ELF2: variants seen among roughly 807,000 people sequenced by gnomAD.
ELF2 encodes the protein E74 like ETS transcription factor 2, also known as ETS-related transcription factor Elf-2.
A neutral mutation model predicts 54.8 loss-of-function variants in ELF2; 11 were observed. The observed-to-expected ratio is 0.20, with a 90% CI of 0.13 to 0.33. The LOEUF is 0.33. ELF2 is among the 10% of genes least tolerant of loss of function. ELF2 has a pLI of 1.00. For missense variants in ELF2, 513 were observed against 703.0 expected, an observed-to-expected ratio of 0.73 and a Z score of 3.06; for synonymous variants, 203 against 245.1, an observed-to-expected ratio of 0.83 and a Z score of 1.61.
intron 1 of ELF2, among the ~76,000 whole-genome samples, chr4:139,160,070 G>A (rs1487036148): frequency 6.6e-6 from 1 of 152,350 alleles, no homozygotes; most frequent in East Asian, 1.9e-4. Context: ...AGGCGCAGTG[G>A]CTCACGCCTG....
chr4:139,107,688 A>T (rs1238560360), intron 4 of ELF2, among the ~76,000 whole-genome samples: 1 of 152,220 alleles, frequency 6.6e-6, no homozygotes, highest in African/African-American at 2.4e-5. Flanking sequence ...ACAGACTTCT[A>T]TTAGTAACTC....
intron 8 of ELF2, among the ~76,000 whole-genome samples, 153 bp from the exon 9 acceptor site, chr4:139,060,827 T>C (rs1330689965): frequency 6.6e-6 from 1 of 152,190 alleles, no homozygotes; most frequent in Non-Finnish European, 1.5e-5. Flanking sequence ...ACTGCCTAGA[T>C]TGCTCAAAAG....
Position 139,160,734 on chromosome 4 carries a change from G to A in ELF2, c.-252+16233C>T, listed in dbSNP as rs529420056. On this transcript the variant is annotated intron_variant, in intron 1 of 9. Transcript: ENST00000686138. ...TTCTAGTATTTTGGGAGGCCGAGGC[G>A]GGTGGATCACTTGAGATCGGGAGTT... Among the ~76,000 whole-genome samples the A allele has an allele frequency of 4.6e-5, 7 of 152,142 alleles. No individual in the cohort carries two copies. In the East Asian group the frequency reaches 9.7e-4, roughly 21 times the overall value.
chr4:139,106,147 T>C (rs886204072), intron 4 of ELF2, among the ~76,000 whole-genome samples: 8 of 152,142 alleles, frequency 5.3e-5, no homozygotes, highest in African/African-American at 1.7e-4. Context: ...TTAATAAACA[T>C]TTAAAGAAAT....
At chr4:139,094,976 A>AATGTT (rs1335713198) in intron 4 of ELF2, among the ~76,000 whole-genome samples, 2 of 152,118 alleles carry the variant, frequency 1.3e-5, no homozygotes, top group Admixed American at 6.6e-5. Flanking sequence ...ACTTCTTAAC[A>AATGTT]ATGTTAACAG....
rs370333034 is a variant in ELF2, at chr4:139,100,534, G to A, written c.238+24630C>T. ...GTGAGGGACCACAAGGTTGCCTAAGGAGAGGTGAACCAGACCAGCCTGGAA... is the reference window on the plus strand; with the variant it reads ...GTGAGGGACCACAAGGTTGCCTAAGAAGAGGTGAACCAGACCAGCCTGGAA... On this transcript the variant is annotated intron_variant, in intron 4 of 9. Transcript: ENST00000686138. 7.2e-5 allele frequency: 11 copies of A among 152,384 alleles called. No homozygotes were observed. In the East Asian group the frequency reaches 9.7e-4, roughly 13 times the overall value. The allele number at this position is 152,384 out of a possible 1,614,324, so 9.4% of individuals were successfully genotyped here.
chr4:139,084,537 T>G, intron 4 of ELF2: 2 of 599,060 alleles, frequency 3.3e-6, no homozygotes, highest in African/African-American at 2.0e-5. Flanking sequence ...CCCGGACGCT[T>G]GCTCCAGAGA....
chr4:139,158,071 G>T (rs777793585), intron 1 of ELF2, among the ~76,000 whole-genome samples: 1 of 152,178 alleles, frequency 6.6e-6, no homozygotes, highest in Non-Finnish European at 1.5e-5. Context: ...TCCGAAGAAA[G>T]AGTCAGAGAA....
At chr4:139,162,047 T>C (rs78325166) in intron 1 of ELF2, among the ~76,000 whole-genome samples, 3 of 151,976 alleles carry the variant, frequency 2.0e-5, no homozygotes, top group Non-Finnish European at 4.4e-5. Flanking sequence ...TGAGCTGAGA[T>C]TGCGCCACTG....
chr4:139,082,878 T>C (rs1731317541), intron 4 of ELF2, among the ~76,000 whole-genome samples: 1 of 152,228 alleles, frequency 6.6e-6, no homozygotes, highest in Non-Finnish European at 1.5e-5. Context: ...CGCTGTCTGC[T>C]ATTAAGCAAA....
intron 4 of ELF2, among the ~76,000 whole-genome samples, chr4:139,111,662 CAA>C (rs1337714888): frequency 6.6e-6 from 1 of 152,100 alleles, no homozygotes; most frequent in East Asian, 1.9e-4. Flanking sequence ...TGGAAAAACC[CAA>C]AAGTTTATAC....
chr4:139,161,599 G>A (rs189165262), intron 1 of ELF2, among the ~76,000 whole-genome samples: 40 of 135,578 alleles, frequency 3.0e-4, no homozygotes, highest in African/African-American at 8.9e-4. Flanking sequence ...CCTGAATGAC[G>A]ACTAGCTTTG....
chr4:139,158,082 G>A (rs1333489007), intron 1 of ELF2, among the ~76,000 whole-genome samples: 1 of 152,200 alleles, frequency 6.6e-6, no homozygotes, highest in Non-Finnish European at 1.5e-5. Flanking sequence ...AGTCAGAGAA[G>A]GGAGATAGGG....
At chr4:139,083,719 G>C (rs1300552191) in intron 4 of ELF2, among the ~76,000 whole-genome samples, 1 of 152,232 alleles carries the variant, frequency 6.6e-6, no homozygotes, top group Non-Finnish European at 1.5e-5. Context: ...CGGCCTCTCC[G>C]GCCAGACAGC....
At position 139,067,741 on chromosome 4, in the gene ELF2, G is replaced by C. The variant is rs773741035; in HGVS notation, c.556C>G (p.Pro186Ala). The change falls in exon 7 of 10, where the codon CCA becomes GCA. Residue 186 changes from proline to alanine, a missense_variant. Physicochemically the swap from Pro to Ala is conservative, Grantham distance 27. This residue lies in a region of ELF2 where 203 missense variants were observed against 245.9 expected (regional missense o/e 0.83). Coordinates refer to ENST00000686138, the MANE Select transcript of ELF2 (RefSeq NM_001331036.3). Reference protein sequence around the residue: ...VGRKPKTQQSPISNGSPELGI... With the variant: ...VGRKPKTQQSAISNGSPELGI... ...AACTCAGGAGACCCATTGGAAATTG[G>C]TGATTGCTGGGTCTTTGGTTTACGG... The C allele has an allele frequency of 6.2e-7, 1 of 1,602,350 alleles. No homozygotes were observed. The highest frequency in any genetic ancestry group is 8.5e-7 in the Non-Finnish European group (1 of 1,171,938).
intron 1 of ELF2, among the ~76,000 whole-genome samples, chr4:139,169,103 T>C (rs1742000150): frequency 6.6e-6 from 1 of 151,518 alleles, no homozygotes; most frequent in African/African-American, 2.4e-5. Context: ...ATCCCAGCAC[T>C]TTGGGAGGCC....
chr4:139,083,608 T>C (rs923826615), intron 4 of ELF2, among the ~76,000 whole-genome samples: 11 of 152,132 alleles, frequency 7.2e-5, no homozygotes, highest in Non-Finnish European at 1.5e-4. Context: ...GCCTGGTCCA[T>C]GCGGAAGTCA....
At chr4:139,125,028 G>A (rs1222075535) in intron 4 of ELF2, 136 bp downstream of exon 4, 3 of 1,012,572 alleles carry the variant, frequency 3.0e-6, no homozygotes, top group Admixed American at 3.1e-5. Flanking sequence ...CTTAAACATA[G>A]ATGTTTCACT....
At chr4:139,159,922 T>C (rs1208513111) in intron 1 of ELF2, among the ~76,000 whole-genome samples, 1 of 152,224 alleles carries the variant, frequency 6.6e-6, no homozygotes, top group East Asian at 1.9e-4. Flanking sequence ...AGTATAAATA[T>C]TGACGCGTGT....
Sources: gnomAD v4.1 joint callset for allele counts (sites outside exome capture counted in the v4.1 genomes callset) on GRCh38, gnomAD v4.1.1 for gene constraint, gnomAD v4.1.1 regional missense constraint, MANE v1.5 for transcripts, NCBI Gene and HGNC (gene_info 2026-07-23, HGNC 2026-07-21) for gene names.